Variants in CREBL2 observed in about 807,000 individuals in gnomAD.
CREBL2 encodes cAMP responsive element binding protein like 2, also known as cAMP-responsive element-binding protein-like 2.
In CREBL2, 4 loss-of-function variants were observed where a neutral mutation model predicts 19.5. That is an observed-to-expected ratio of 0.20 (90% CI 0.10 to 0.47). CREBL2 has a LOEUF of 0.47. Ranked by LOEUF, CREBL2 falls within the 20% of genes least tolerant of loss-of-function variation. CREBL2 has a pLI of 0.98. For synonymous variants in CREBL2, 42 were observed against 46.6 expected (o/e 0.90, Z 0.40); for missense variants, 85 against 145.1 (o/e 0.59, Z 2.13).
At chr12:12,628,580 A>G (rs562739658) in intron 1 of CREBL2, among the ~76,000 whole-genome samples, 3 of 152,242 alleles carry the variant, frequency 2.0e-5, no homozygotes, top group African/African-American at 7.2e-5. Flanking sequence ...TCTAAGTTTT[A>G]TAGTTTTATC....
intron 1 of CREBL2, among the ~76,000 whole-genome samples, chr12:12,612,744 T>C (rs186167414): frequency 1.3e-5 from 2 of 152,316 alleles, no homozygotes. Flanking sequence ...CTGATTTTCC[T>C]CTTGTTAACT....
intron 2 of CREBL2, 44 bp downstream of exon 2, chr12:12,636,018 T>A: frequency 1.3e-6 from 2 of 1,527,630 alleles, no homozygotes; most frequent in Non-Finnish European, 1.8e-6. Flanking sequence ...ACCTTAACAG[T>A]CAAATAAATA....
At position 12,625,521 on chromosome 12, in the gene CREBL2, A is replaced by T. The variant is rs547827638; in HGVS notation, c.16-10256A>T. Among the ~76,000 whole-genome samples the T allele has an allele frequency of 5.3e-5, 8 of 152,332 alleles. No individual in the cohort carries two copies. In the South Asian group the frequency reaches 1.7e-3, roughly 32 times the overall value. ...TGCATTTAATGCACCTGTCAGTGTT[A>T]GAGCTTTTTCAGGAAATTATATGAT... On this transcript the variant is annotated intron_variant, in intron 1 of 3. Transcript: ENST00000228865.
chr12:12,640,287 A>G (rs1212965124), intron 3 of CREBL2, among the ~76,000 whole-genome samples: 1 of 152,140 alleles, frequency 6.6e-6, no homozygotes, highest in Non-Finnish European at 1.5e-5. Flanking sequence ...CCAGGAACAC[A>G]TTCCTTTCCC....
At chr12:12,635,241 T>C (rs371941215) in intron 1 of CREBL2, among the ~76,000 whole-genome samples, 6 of 152,058 alleles carry the variant, frequency 3.9e-5, no homozygotes, top group African/African-American at 1.2e-4. Context: ...TGGTGGCTCA[T>C]GCCTATAGTT....
chr12:12,621,972 C>T (rs996925169), intron 1 of CREBL2, among the ~76,000 whole-genome samples: 7 of 152,286 alleles, frequency 4.6e-5, no homozygotes, highest in South Asian at 2.1e-4. Context: ...CAGAGGCAGA[C>T]GGTCCGATTA....
chr12:12,612,069 G>A lies in CREBL2; in HGVS notation c.-104G>A. ...GTTAGGCGAGAGGAGGAGGCAGCCA[G>A]AACCATATCCCCTTCTTCCTCGGGG... is the stretch of plus-strand genomic sequence containing the variant. On this transcript the variant is annotated 5_prime_UTR_variant, in exon 1 of 4. Coordinates refer to ENST00000228865, the MANE Select transcript of CREBL2 (RefSeq NM_001310.4). 7.0e-7 allele frequency: 1 copy of A among 1,432,338 alleles called. No homozygotes were observed. Among genetic ancestry groups the A allele is most frequent in the Non-Finnish European group, 9.7e-7 (1 of 1,029,720 alleles). The allele number at this position is 1,432,338 out of a possible 1,614,324, so 88.7% of individuals were successfully genotyped here. A position where few individuals can be genotyped will look rare whatever the true frequency, so the allele number is the denominator to read the frequency against.
chr12:12,637,126 A>C (rs1168308821), intron 2 of CREBL2, among the ~76,000 whole-genome samples: 2 of 152,084 alleles, frequency 1.3e-5, no homozygotes, highest in African/African-American at 4.8e-5. Flanking sequence ...CCTAGCATGC[A>C]CTCTGGTAGA....
intron 1 of CREBL2, among the ~76,000 whole-genome samples, chr12:12,614,061 TCGGCTCACTGCCGA>T (rs1268969958): frequency 7.0e-6 from 1 of 142,840 alleles, no homozygotes; most frequent in Non-Finnish European, 1.5e-5. Context: ...TGGCACGATC[TCGGCTCACTGCCGA>T]GAATTGCTCT....
intron 1 of CREBL2, among the ~76,000 whole-genome samples, chr12:12,612,796 T>TA (rs1443834527): frequency 6.6e-6 from 1 of 152,252 alleles, no homozygotes; most frequent in African/African-American, 2.4e-5. Context: ...CCAAATCACT[T>TA]ACTTTATGAT....
intron 1 of CREBL2, among the ~76,000 whole-genome samples, chr12:12,627,909 G>C (rs542285396): frequency 6.6e-6 from 1 of 151,692 alleles, no homozygotes; most frequent in Non-Finnish European, 1.5e-5. Context: ...TTTTTGAGAC[G>C]GAGTCTCACT....
At chr12:12,628,032 A>G (rs1434064825) in intron 1 of CREBL2, among the ~76,000 whole-genome samples, 2 of 152,002 alleles carry the variant, frequency 1.3e-5, no homozygotes, top group Admixed American at 1.3e-4. Flanking sequence ...GGCGCGCGCC[A>G]CCATGCCCAG....
chr12:12,619,346 A>G (rs1052029312), intron 1 of CREBL2, among the ~76,000 whole-genome samples: 2 of 152,156 alleles, frequency 1.3e-5, no homozygotes, highest in African/African-American at 4.8e-5. Flanking sequence ...GTGGTGTCTC[A>G]TGCCTGTAAT....
At chr12:12,629,897 T>TA in intron 1 of CREBL2, among the ~76,000 whole-genome samples, 1 of 152,306 alleles carries the variant, frequency 6.6e-6, no homozygotes, top group Admixed American at 6.5e-5. Flanking sequence ...TTCCTGTTGA[T>TA]ACAGTGTATT....
intron 1 of CREBL2, among the ~76,000 whole-genome samples, chr12:12,628,380 G>A (rs1945418915): frequency 6.6e-6 from 1 of 151,942 alleles, no homozygotes. Context: ...TTATTGAGTT[G>A]TAAGAGTTCT....
chr12:12,617,640 ATTCTTTTTTTTTTTTTTTTTTTTTT>A (rs1945320837), intron 1 of CREBL2, among the ~76,000 whole-genome samples: 1 of 16,496 alleles, frequency 6.1e-5, no homozygotes, highest in African/African-American at 1.3e-4. Flanking sequence ...CATTTTAGTA[ATTCTTTTTTTTTTTTTTTTTTTTTT>A]TTTTTTTTTT....
intron 1 of CREBL2, among the ~76,000 whole-genome samples, chr12:12,626,540 G>T (rs1022559368): frequency 3.3e-5 from 5 of 152,176 alleles, no homozygotes; most frequent in African/African-American, 9.6e-5. Flanking sequence ...AGGCAACCAT[G>T]TCTTTTTAAA....
rs1375627846 is a variant in CREBL2, at chr12:12,643,953, T to C, written c.*1955T>C. 6.6e-6 allele frequency: 1 copy of C among 152,664 alleles called. No homozygotes were observed. Among genetic ancestry groups the C allele is most frequent in the African/African-American group, 2.4e-5 (1 of 41,470 alleles). 9.5% of individuals were successfully genotyped at this position (152,664 alleles called of 1,614,324 possible). A position where few individuals can be genotyped will look rare whatever the true frequency, so the allele number is the denominator to read the frequency against. On this transcript the variant is annotated 3_prime_UTR_variant, in exon 4 of 4. Coordinates refer to ENST00000228865, the MANE Select transcript of CREBL2 (RefSeq NM_001310.4). ...ACTTACTTTATGTTGCTTTGTTCAG[T>C]ACCTTTTGAATTCCCCCAGAAGAGT...
rs1180705577 is a variant in CREBL2 at position 12,628,273 on chromosome 12, G to A, written c.16-7504G>A. The stretch of plus-strand genomic sequence containing the variant: ...CATTTCCCTGATGACTAATGATGTT[G>A]AGTATTTTTTCATTTGCTTATTGGC... On this transcript the variant is annotated intron_variant, in intron 1 of 3. Coordinates refer to ENST00000228865, the MANE Select transcript of CREBL2 (RefSeq NM_001310.4). Among the ~76,000 whole-genome samples the A allele has an allele frequency of 2.6e-5, 4 of 152,152 alleles. No individual in the cohort carries two copies. The East Asian group carries it at 7.7e-4, about 29-fold the overall frequency.
Sources: allele counts gnomAD v4.1 joint callset (sites outside exome capture counted in the v4.1 genomes callset), GRCh38; gene constraint gnomAD v4.1.1; transcripts MANE v1.5; gene names NCBI Gene and HGNC (gene_info 2026-07-23, HGNC 2026-07-21).